DNAH6: variants seen among roughly 807,000 people sequenced by gnomAD.
DNAH6 encodes the protein dynein axonemal heavy chain 6, also known as axonemal beta dynein heavy chain 6.
In DNAH6, 340 loss-of-function variants were observed where a neutral mutation model predicts 491.4. The observed-to-expected ratio is 0.69, with a 90% CI of 0.63 to 0.76. The LOEUF (loss-of-function observed/expected upper bound fraction) is 0.76, where lower values mean the gene tolerates loss of function less well. Ranked by LOEUF, DNAH6 falls within the 30% of genes least tolerant of loss-of-function variation. The pLI is 0.00. For synonymous variants in DNAH6, 1,603 were observed against 1,686.1 expected (o/e 0.95, Z 1.21); for missense variants, 4,443 against 4,972.2 (o/e 0.89, Z 3.20).
chr2:84,779,502 C>T (rs1460372290), intron 64 of DNAH6, among the ~76,000 whole-genome samples: 1 of 152,142 alleles, frequency 6.6e-6, no homozygotes, highest in East Asian at 1.9e-4. Flanking sequence ...GATCTTTCTC[C>T]ACCCCTTTAC....
intron 2 of DNAH6, among the ~76,000 whole-genome samples, chr2:84,519,342 G>A (rs2104404150): frequency 6.6e-6 from 1 of 152,120 alleles, no homozygotes; most frequent in Middle Eastern, 3.4e-3. Flanking sequence ...GAGGCAGTAT[G>A]TTATATACTA....
At chr2:84,561,485 A>G (rs1680668407) in intron 11 of DNAH6, among the ~76,000 whole-genome samples, 2 of 152,354 alleles carry the variant, frequency 1.3e-5, no homozygotes, top group South Asian at 4.1e-4. Context: ...TGGGCAAAGG[A>G]CTTCATGTCT....
chr2:84,661,410 A>G (rs866771573), intron 37 of DNAH6, among the ~76,000 whole-genome samples: 31 of 152,256 alleles, frequency 2.0e-4, no homozygotes, highest in Admixed American at 3.3e-4. Flanking sequence ...TTATTTGCAG[A>G]AAAAAATGAC....
chr2:84,709,565 A>C lies in DNAH6; in HGVS notation c.9252+19A>C. 1 of 1,550,694 alleles carries C rather than the reference A, an allele frequency of 6.4e-7. No individual in the cohort carries two copies. The highest frequency in any genetic ancestry group is 1.2e-5 in the South Asian group (1 of 84,010). ...AGATCAGGTGTGTAGCAAATGCTTA[A>C]GAGAGTGGCTTTTGGTTCTGCTTAA... On this transcript the variant is annotated intron_variant, in intron 55 of 76. Transcript: ENST00000389394.
chr2:84,803,043 C>T (rs1679076175), intron 70 of DNAH6, among the ~76,000 whole-genome samples: 2 of 152,088 alleles, frequency 1.3e-5, no homozygotes, highest in South Asian at 4.1e-4. Flanking sequence ...ACCAAAAGCT[C>T]TGAGATGCAA....
intron 33 of DNAH6, among the ~76,000 whole-genome samples, chr2:84,651,170 G>A (rs1320869464): frequency 2.0e-5 from 3 of 152,120 alleles, no homozygotes; most frequent in Admixed American, 6.5e-5. Flanking sequence ...CTGGACAGTG[G>A]TAAAAGTCCT....
chr2:84,718,036 G>GT (rs1697719158), intron 58 of DNAH6, among the ~76,000 whole-genome samples, 168 bp from the exon 59 acceptor site: 1 of 152,174 alleles, frequency 6.6e-6, no homozygotes, highest in African/African-American at 2.4e-5. Flanking sequence ...AAGCTATTGT[G>GT]TAAACCCAGC....
At chr2:84,798,795 A>C (rs929402231) in intron 70 of DNAH6, among the ~76,000 whole-genome samples, 4 of 152,094 alleles carry the variant, frequency 2.6e-5, no homozygotes, top group African/African-American at 9.7e-5. Flanking sequence ...CCCCCATCAC[A>C]GCCAGTGCTT....
the DNAH6 span, among the ~76,000 whole-genome samples, chr2:84,481,883 C>T: frequency 1.3e-5 from 2 of 152,210 alleles, no homozygotes; most frequent in Non-Finnish European, 2.9e-5. Context: ...AGTACTGGTT[C>T]AGCTATCACG....
intron 45 of DNAH6, 116 bp downstream of exon 45, chr2:84,688,709 T>C: frequency 1.3e-6 from 1 of 766,682 alleles, no homozygotes; most frequent in Non-Finnish European, 2.0e-6. Flanking sequence ...AGAGGTCTTT[T>C]ATTAACTCTC....
chr2:84,474,748 C>A, the DNAH6 span, among the ~76,000 whole-genome samples: 1 of 152,158 alleles, frequency 6.6e-6, no homozygotes, highest in African/African-American at 2.4e-5. Context: ...GAGGCAGCTC[C>A]TACTCCAGCA....
In DNAH6 at chr2:84,796,345, A is replaced by G; in HGVS notation, c.11279A>G (p.Asp3760Gly). 2.0e-6 allele frequency: 3 copies of G among 1,531,350 alleles called. No homozygotes were observed. The highest frequency in any genetic ancestry group is 1.2e-5 in the South Asian group (1 of 80,352). The allele number at this position is 1,531,350 out of a possible 1,614,324, so 94.9% of individuals were successfully genotyped here. Residue 3760 changes from aspartate to glycine, a missense_variant, in exon 69 of 77, where the codon GAC (aspartate) becomes GGC (glycine). Physicochemically the swap from Asp to Gly is moderately conservative, Grantham distance 94. Transcript: ENST00000389394. ...TYGGRVTDSW[D>G]QRCLRTILKR... ...GGTGGTAGAGTCACAGACAGCTGGG[A>G]CCAAAGATGCCTTCGTACTATCTTG...
At chr2:84,780,506 T>C (rs1236539637) in intron 64 of DNAH6, among the ~76,000 whole-genome samples, 2 of 152,176 alleles carry the variant, frequency 1.3e-5, no homozygotes, top group Admixed American at 6.5e-5. Flanking sequence ...TTTTTCTTCA[T>C]ATAGCTATGT....
At chr2:84,683,994 A>G (rs773459835) in intron 42 of DNAH6, among the ~76,000 whole-genome samples, 1 of 152,156 alleles carries the variant, frequency 6.6e-6, no homozygotes, top group Non-Finnish European at 1.5e-5. Context: ...TTCCTAATGC[A>G]CAGTTCTCAC....
chr2:84,641,903 C>T (rs1480766965), intron 32 of DNAH6, 44 bp from the exon 33 acceptor site: 29 of 1,472,548 alleles, frequency 2.0e-5, no homozygotes, highest in Non-Finnish European at 2.7e-5. Context: ...CATGTTCAAC[C>T]TTATGTTCTT....
chr2:84,792,523 G>A (rs539643331), intron 68 of DNAH6, among the ~76,000 whole-genome samples: 1 of 152,260 alleles, frequency 6.6e-6, no homozygotes, highest in South Asian at 2.1e-4. Context: ...ATTATGTGCA[G>A]TTTTTTGGAT....
chr2:84,727,800 C>A lies in DNAH6; in HGVS notation c.10104C>A (p.Leu3368=). ...GAGGACTTTTTGAGCAACATAAACTCATCTACAGCTTTATGCTTTGTGTTG... is the reference window on the plus strand; with the variant it reads ...GAGGACTTTTTGAGCAACATAAACTAATCTACAGCTTTATGCTTTGTGTTG... The part of the protein sequence containing the change: ...VSRGLFEQHK[L]IYSFMLCVEM... Residue 3368 remains leucine (L), a synonymous_variant, in exon 61 of 77, where the codon CTC becomes CTA. Transcript: ENST00000389394. 1 of 1,551,702 alleles carries A rather than the reference C, an allele frequency of 6.4e-7. No homozygotes were observed. The highest frequency in any genetic ancestry group is 8.7e-7 in the Non-Finnish European group (1 of 1,146,760).
intron 64 of DNAH6, among the ~76,000 whole-genome samples, chr2:84,767,815 C>T (rs1266972712): frequency 1.3e-5 from 2 of 151,906 alleles, no homozygotes; most frequent in Non-Finnish European, 2.9e-5. Context: ...CTCTACTAAA[C>T]CCCAAGCATA....
intron 57 of DNAH6, among the ~76,000 whole-genome samples, 165 bp from the exon 58 acceptor site, chr2:84,715,395 A>G (rs1186153964): frequency 2.0e-5 from 3 of 152,160 alleles, no homozygotes; most frequent in Non-Finnish European, 4.4e-5. Context: ...ACATATGAGG[A>G]TTTTATAAGC....
Sources: allele counts gnomAD v4.1 joint callset (sites outside exome capture counted in the v4.1 genomes callset), GRCh38; gene constraint gnomAD v4.1.1; transcripts MANE v1.5; gene names NCBI Gene and HGNC (gene_info 2026-07-23, HGNC 2026-07-21).